The following SPG11 variants were observed in gnomAD, a reference collection of about 807,000 sequenced individuals.
SPG11 encodes the protein SPG11 vesicle trafficking associated, spatacsin, also known as spatacsin.
A neutral mutation model predicts 274.0 loss-of-function variants in SPG11; 222 were observed. That is an observed-to-expected ratio of 0.81 (90% CI 0.73 to 0.91). SPG11 has a LOEUF of 0.91. SPG11 is among the 40% of genes least tolerant of loss of function. The probability of loss-of-function intolerance (pLI) is 0.00; values close to 1 mark genes in which losing one functional copy is unlikely to be tolerated. For missense variants in SPG11, 3,114 were observed against 2,872.7 expected (o/e 1.08, Z -1.92); for synonymous variants, 1,144 against 1,039.7 (o/e 1.10, Z -1.93).
Position 44,588,792 on chromosome 15 carries a change from T to C in SPG11, c.4906+460A>G, listed in dbSNP as rs2082832237. Among the ~76,000 whole-genome samples, 4 of 152,356 alleles carry C rather than the reference T, an allele frequency of 2.6e-5. No homozygotes were observed. The South Asian group carries it at 8.3e-4, about 32-fold the overall frequency. ...GGGATCGGCAATGTTAATTACCGTC[T>C]AATGGTGTTTACTCAAAACCTTTGC... On this transcript the variant is annotated intron_variant, in intron 28 of 39. Transcript: ENST00000261866.
At chr15:44,658,670 A>G (rs2085011215) in intron 3 of SPG11, among the ~76,000 whole-genome samples, 1 of 152,102 alleles carries the variant, frequency 6.6e-6, no homozygotes, top group African/African-American at 2.4e-5. Context: ...CATATTGGCC[A>G]GGCTGGTCTC....
At chr15:44,578,134 C>T (rs1427632278) in intron 30 of SPG11, among the ~76,000 whole-genome samples, 2 of 150,910 alleles carry the variant, frequency 1.3e-5, no homozygotes, top group South Asian at 2.1e-4. Flanking sequence ...ACACCATTCT[C>T]CTGCCTCAGC....
At chr15:44,622,094 C>T in intron 13 of SPG11, 126 bp downstream of exon 13, 4 of 1,253,032 alleles carry the variant, frequency 3.2e-6, no homozygotes, top group Non-Finnish European at 3.4e-6. Flanking sequence ...CTGTCTGATA[C>T]AAGTTTTATC....
intron 1 of SPG11, among the ~76,000 whole-genome samples, chr15:44,661,403 T>C (rs1347389729): frequency 6.6e-6 from 1 of 152,312 alleles, no homozygotes; most frequent in East Asian, 1.9e-4. Context: ...GGCTATACCA[T>C]GCTGATAAAA....
chr15:44,600,343 G>T, intron 21 of SPG11, 124 bp downstream of exon 21: 1 of 1,017,466 alleles, frequency 9.8e-7, no homozygotes, highest in Non-Finnish European at 1.5e-6. Context: ...AGAGTGCAGT[G>T]GCATGACCAT....
chr15:44,622,399 T>C, intron 12 of SPG11, 52 bp from the exon 13 acceptor site: 1 of 1,409,924 alleles, frequency 7.1e-7, no homozygotes, highest in Non-Finnish European at 9.8e-7. Context: ...CAAGCACTTT[T>C]GCAAAAAATG....
At chr15:44,578,022 T>C (rs1479924685) in intron 30 of SPG11, among the ~76,000 whole-genome samples, 4 of 140,156 alleles carry the variant, frequency 2.9e-5, no homozygotes, top group African/African-American at 1.1e-4. Flanking sequence ...TTCTTTCCTT[T>C]TTTTTTTTTT....
At chr15:44,578,853 C>G (rs983603405) in intron 30 of SPG11, among the ~76,000 whole-genome samples, 1 of 152,208 alleles carries the variant, frequency 6.6e-6, no homozygotes, top group Non-Finnish European at 1.5e-5. Context: ...TAATAATACA[C>G]TATTCAAAAT....
chr15:44,657,062 A>G (rs1199549158), intron 4 of SPG11, 33 bp downstream of exon 4: 1 of 1,589,766 alleles, frequency 6.3e-7, no homozygotes, highest in Admixed American at 1.7e-5. Context: ...CTAACTATTT[A>G]CCTCAAATTA....
At chr15:44,593,923 T>C (rs974914040) in intron 26 of SPG11, among the ~76,000 whole-genome samples, 4 of 150,038 alleles carry the variant, frequency 2.7e-5, no homozygotes, top group Non-Finnish European at 5.9e-5. Context: ...CCGGCTTTTT[T>C]CTTTTCTTTT....
chr15:44,622,861 AAT>A, intron 11 of SPG11, 62 bp from the exon 12 acceptor site: 2 of 1,197,522 alleles, frequency 1.7e-6, no homozygotes, highest in Non-Finnish European at 2.5e-6. Flanking sequence ...TTTGAACATA[AAT>A]ATGTGTTAGA....
At chr15:44,627,525 A>C (rs1270514278) in intron 10 of SPG11, among the ~76,000 whole-genome samples, 1 of 152,180 alleles carries the variant, frequency 6.6e-6, no homozygotes, top group Non-Finnish European at 1.5e-5. Context: ...TAAAGGAGGG[A>C]AACAGGAAGA....
Position 44,626,404 on chromosome 15 carries a change from A to C in SPG11, c.2171T>G (p.Ile724Arg), listed in dbSNP as rs774081279. The change falls in exon 11 of 40, where the codon ATA becomes AGA. Residue 724 changes from isoleucine (I) to arginine (R), a missense_variant. Physicochemically the swap from Ile to Arg is moderately conservative, Grantham distance 97. Transcript: ENST00000261866. Reference sequence around the variant, plus strand: ...ATTGTCAAAGACCAAATTTAGGCCTATGCCAATAAGCTCCTCAAGTTTTTG... The same window carrying C: ...ATTGTCAAAGACCAAATTTAGGCCTCTGCCAATAAGCTCCTCAAGTTTTTG... The part of the protein sequence containing the change: ...SAQKLEELIG[I>R]GLNLVFDNLK... 1.2e-6 allele frequency: 2 copies of C among 1,613,946 alleles called. No individual in the cohort carries two copies. The highest frequency in any genetic ancestry group is 1.7e-6 in the Non-Finnish European group (2 of 1,179,926).
chr15:44,583,667 T>A, intron 30 of SPG11, 147 bp downstream of exon 30: 1 of 874,782 alleles, frequency 1.1e-6, no homozygotes, highest in East Asian at 2.5e-5. Context: ...ATTGCCTAGT[T>A]AATTGGCTAG....
At chr15:44,608,632 G>A (rs756494929) in intron 18 of SPG11, 27 bp from the exon 19 acceptor site, 3 of 1,609,094 alleles carry the variant, frequency 1.9e-6, no homozygotes, top group East Asian at 4.5e-5. Flanking sequence ...ATAACAGGTT[G>A]GACAGTAGCA....
intron 30 of SPG11, among the ~76,000 whole-genome samples, chr15:44,577,329 C>A (rs2140935556): frequency 6.6e-6 from 1 of 151,782 alleles, no homozygotes; most frequent in Admixed American, 6.6e-5. Flanking sequence ...ACAGTGAGCC[C>A]CCACTGCTAC....
intron 8 of SPG11, among the ~76,000 whole-genome samples, chr15:44,631,375 G>A (rs2084055309): frequency 6.6e-6 from 1 of 152,150 alleles, no homozygotes; most frequent in Non-Finnish European, 1.5e-5. Flanking sequence ...TTATAAAACC[G>A]TATTTACAGA....
Position 44,621,871 on chromosome 15 carries a change from A to C in SPG11, c.2508T>G (p.Tyr836Ter). The C allele has an allele frequency of 6.2e-7, 1 of 1,613,926 alleles. No individual in the cohort carries two copies. The highest frequency in any genetic ancestry group is 1.1e-5 in the South Asian group (1 of 91,078). The stretch of plus-strand genomic sequence containing the variant: ...GTTTGTTAAATTCATCTTTACAATC[A>C]TATTTCAGGAATGAGTCCAAAACAG... ...HKSVLDSFLK[Y>*]DCKDEFNKQD... Residue 836 changes from tyrosine (Y) to a stop codon, truncating the protein, a stop_gained, in exon 14 of 40, where the codon TAT (tyrosine) becomes TAG (stop). Transcript: ENST00000261866. LOFTEE classifies it high-confidence loss of function.
At chr15:44,572,619 G>C (rs1212709249) in intron 33 of SPG11, 64 bp downstream of exon 33, 23 of 1,576,596 alleles carry the variant, frequency 1.5e-5, no homozygotes, top group Non-Finnish European at 1.9e-5. Context: ...GTTTTGGAGA[G>C]ACTGGGAGAC....
Sources: gnomAD v4.1 joint callset for allele counts (sites outside exome capture counted in the v4.1 genomes callset) on GRCh38, gnomAD v4.1.1 for gene constraint, MANE v1.5 for transcripts, NCBI Gene and HGNC (gene_info 2026-07-23, HGNC 2026-07-21) for gene names.